The following NIN variants were observed in gnomAD, a reference collection of about 807,000 sequenced individuals.
NIN encodes ninein.
In NIN, 137 loss-of-function variants were observed where a neutral mutation model predicts 257.6. The observed-to-expected ratio is 0.53, with a 90% confidence interval of 0.46 to 0.61. The LOEUF is 0.61. Ranked by LOEUF, NIN falls within the 20% of genes least tolerant of loss-of-function variation. The pLI, the probability that NIN is intolerant of heterozygous loss-of-function variation, is 0.00. For missense variants in NIN, 2,439 were observed against 2,501.2 expected (o/e 0.98, Z 0.53); for synonymous variants, 918 against 919.8 (o/e 1.00, Z 0.04).
chr14:50,744,423 G>C (rs2041442369), intron 22 of NIN, 58 bp from the exon 23 acceptor site: 3 of 1,576,418 alleles, frequency 1.9e-6, no homozygotes, highest in Non-Finnish European at 2.6e-6. Context: ...AAGTACAAAG[G>C]GGTATTTCTA....
In NIN at chr14:50,756,883, C is replaced by T; in HGVS notation, c.4147G>A (p.Val1383Ile). The change falls in exon 18 of 31, where the codon GTC (valine) becomes ATC (isoleucine). Residue 1383 changes from valine to isoleucine, a missense_variant. By Grantham distance (29) the Val-to-Ile change is conservative. Transcript: ENST00000530997. Reference sequence around the variant, plus strand: ...TTTTCTTGCTTACATTCCTCTATGACATGATGTACACTCCTAACCCTGGGC... The same window carrying T: ...TTTTCTTGCTTACATTCCTCTATGATATGATGTACACTCCTAACCCTGGGC... ...CVPRVRSVHH[V>I]IEECKQENQY... The T allele has an allele frequency of 6.4e-7, 1 of 1,553,804 alleles. No individual in the cohort carries two copies. Among genetic ancestry groups the T allele is most frequent in the Admixed American group, 2.0e-5 (1 of 51,122 alleles).
rs187988285 is a variant in NIN, at chr14:50,735,631, A to C, written c.5776-14T>G. On this transcript the variant is annotated splice_polypyrimidine_tract_variant and intron_variant, in intron 27 of 30. Coordinates refer to ENST00000530997, the MANE Select transcript of NIN (RefSeq NM_020921.4). ...CATCTGACTGACCTGTTTAAAAAAA[A>C]CAAAATATTCCCTTGAAACAGAAAC... is the stretch of plus-strand genomic sequence containing the variant. The C allele has an allele frequency of 3.1e-6, 5 of 1,603,206 alleles. No homozygotes were observed. The Admixed American group carries it at 6.8e-5, about 22-fold the overall frequency.
rs1410378486 is a variant in NIN, at chr14:50,760,347, C to G, written c.1909G>C (p.Glu637Gln). 8.2e-6 allele frequency: 13 copies of G among 1,582,866 alleles called. No homozygotes were observed. The highest frequency in any genetic ancestry group is 1.1e-5 in the Non-Finnish European group (13 of 1,165,986). Residue 637 changes from glutamate (E) to glutamine (Q), a missense_variant, in exon 17 of 31, where the codon GAA becomes CAA. This residue lies in a region of NIN where 2,043 missense variants were observed against 2,050.2 expected (regional missense o/e 1.00). Coordinates refer to ENST00000530997, the MANE Select transcript of NIN (RefSeq NM_020921.4). Reference protein sequence around the residue: ...LELEDKVRHYEKQLDETVVSC... With the variant: ...LELEDKVRHYQKQLDETVVSC... ...ACCACGGTTTCGTCCAGCTGCTTTTCATAATGGCGCACCTGAAGGCACAGA... is the reference window on the plus strand; with the variant it reads ...ACCACGGTTTCGTCCAGCTGCTTTTGATAATGGCGCACCTGAAGGCACAGA...
At chr14:50,747,452 G>A (rs1028509323) in intron 22 of NIN, among the ~76,000 whole-genome samples, 8 of 152,150 alleles carry the variant, frequency 5.3e-5, no homozygotes, top group Admixed American at 2.6e-4. Context: ...TTTTAGAGTG[G>A]GCCGGATGCA....
At chr14:50,759,310 TA>T (rs2042170826) in intron 17 of NIN, among the ~76,000 whole-genome samples, 1 of 152,218 alleles carries the variant, frequency 6.6e-6, no homozygotes, top group Admixed American at 6.5e-5. Context: ...TAAGGTAGAA[TA>T]AATCTTAATA....
At position 50,770,837 on chromosome 14, in the gene NIN, C is replaced by T; in HGVS notation, c.1259+15G>A. On this transcript the variant is annotated intron_variant, in intron 11 of 30. Coordinates refer to ENST00000530997, the MANE Select transcript of NIN (RefSeq NM_020921.4). ...GGGTGGTGGGTGAGGAGGAGCCTCA[C>T]TCTGCTGGCCTCACCTGAGGTTGTA... The T allele has an allele frequency of 6.2e-7, 1 of 1,607,844 alleles. No individual in the cohort carries two copies. Among genetic ancestry groups the T allele is most frequent in the Non-Finnish European group, 8.5e-7 (1 of 1,177,234 alleles).
chr14:50,772,545 C>T (rs762307908), intron 8 of NIN, 77 bp from the exon 9 acceptor site: 37 of 1,276,532 alleles, frequency 2.9e-5, no homozygotes, highest in East Asian at 4.7e-5. Flanking sequence ...GCCCTGACCA[C>T]GATGGGTAGA....
chr14:50,767,634 G>A (rs1010798952), intron 12 of NIN, among the ~76,000 whole-genome samples: 28 of 151,966 alleles, frequency 1.8e-4, no homozygotes, highest in Admixed American at 4.6e-4. Flanking sequence ...TGGCGAACAC[G>A]GTGAAACCCC....
intron 14 of NIN, among the ~76,000 whole-genome samples, chr14:50,765,620 G>C (rs2042449044): frequency 6.6e-6 from 1 of 151,510 alleles, no homozygotes. Context: ...CTTGTTACTT[G>C]TAAAAATGTT....
At chr14:50,764,045 A>G (rs554274384) in intron 14 of NIN, 81 bp from the exon 15 acceptor site, 135 of 1,273,498 alleles carry the variant, frequency 1.1e-4, no homozygotes, top group South Asian at 5.8e-4. Context: ...GATAAATTGG[A>G]TATCATCAAA....
chr14:50,788,330 G>C (rs764965), intron 5 of NIN, among the ~76,000 whole-genome samples: 2 of 152,160 alleles, frequency 1.3e-5, no homozygotes, highest in Non-Finnish European at 2.9e-5. Flanking sequence ...AAGTAATGAA[G>C]CCTGAAGCTT....
intron 3 of NIN, among the ~76,000 whole-genome samples, chr14:50,816,473 T>G (rs1006843077): frequency 6.6e-6 from 1 of 152,126 alleles, no homozygotes; most frequent in Non-Finnish European, 1.5e-5. Flanking sequence ...GGGGTAGTGT[T>G]TGGGGAGCAG....
chr14:50,767,028 G>A, intron 12 of NIN, 138 bp from the exon 13 acceptor site: 3 of 617,472 alleles, frequency 4.9e-6, no homozygotes, highest in Non-Finnish European at 8.5e-6. Flanking sequence ...GACTACAGGA[G>A]GCAAAAGTAA....
intron 29 of NIN, among the ~76,000 whole-genome samples, chr14:50,726,568 T>C (rs183831813): frequency 9.6e-4 from 147 of 152,360 alleles, no homozygotes; most frequent in African/African-American, 2.9e-3. Context: ...GTAAGTTTCT[T>C]TCTTCATAAT....
intron 24 of NIN, 97 bp from the exon 25 acceptor site, chr14:50,741,825 CTGTT>C (rs2041299196): frequency 1.2e-5 from 16 of 1,364,626 alleles, no homozygotes; most frequent in Admixed American, 6.7e-5. Context: ...ACTTTCAAGT[CTGTT>C]TGTTTCTCTT....
intron 6 of NIN, 130 bp downstream of exon 6, chr14:50,778,635 A>C (rs2043010021): frequency 5.2e-6 from 4 of 776,654 alleles, no homozygotes; most frequent in Non-Finnish European, 9.0e-6. Flanking sequence ...ATTGGGAATA[A>C]ATTTTTTGTT....
chr14:50,761,054 A>G (rs1275137211), intron 16 of NIN, among the ~76,000 whole-genome samples: 1 of 152,160 alleles, frequency 6.6e-6, no homozygotes, highest in Non-Finnish European at 1.5e-5. Context: ...GCTGGGTAAG[A>G]TATGGTCCCT....
intron 28 of NIN, among the ~76,000 whole-genome samples, chr14:50,732,242 C>A (rs887729428): frequency 5.9e-5 from 9 of 152,188 alleles, no homozygotes; most frequent in African/African-American, 1.9e-4. Flanking sequence ...ACCATGAAGA[C>A]AGCTGTGCTC....
intron 7 of NIN, among the ~76,000 whole-genome samples, chr14:50,774,177 C>A (rs1383918246): frequency 6.6e-6 from 1 of 152,204 alleles, no homozygotes; most frequent in Non-Finnish European, 1.5e-5. Flanking sequence ...CAACAAATTG[C>A]TCTTGTTGCA....
Sources: allele counts gnomAD v4.1 joint callset (sites outside exome capture counted in the v4.1 genomes callset), GRCh38; gene constraint gnomAD v4.1.1; regional missense constraint gnomAD v4.1.1; transcripts MANE v1.5; gene names NCBI Gene and HGNC (gene_info 2026-07-23, HGNC 2026-07-21).